The following NTN1 variants were observed in gnomAD, a reference collection of about 807,000 sequenced individuals.
NTN1 encodes netrin-1.
In NTN1, 11 loss-of-function variants were observed where a neutral mutation model predicts 54.2. The ratio of observed to expected loss-of-function variants is 0.20; its 90% confidence interval spans 0.13 to 0.34. NTN1 has a LOEUF of 0.34. Ranked by LOEUF, NTN1 falls within the 10% of genes least tolerant of loss-of-function variation. The pLI, the probability that NTN1 is intolerant of heterozygous loss-of-function variation, is 1.00. For missense variants in NTN1, 740 were observed against 893.1 expected (o/e 0.83, Z 2.18); for synonymous variants, 371 against 382.0 (o/e 0.97, Z 0.33).
At chr17:9,019,266 C>T (rs1445286776), upstream of NTN1, among the ~76,000 whole-genome samples, 4 of 152,080 alleles carry the variant, frequency 2.6e-5, no homozygotes, top group South Asian at 2.1e-4. Context: ...CTCATTATTC[C>T]GAGATAACCA....
intron 3 of NTN1, chr17:9,171,040 C>T (rs2092385920): frequency 6.6e-6 from 1 of 152,202 alleles, no homozygotes; most frequent in Non-Finnish European, 1.5e-5. Flanking sequence ...GCCGCCTGCA[C>T]CTTGATCCGA....
At chr17:9,116,506 T>C (rs76362889) in intron 2 of NTN1, among the ~76,000 whole-genome samples, 10,331 of 152,246 alleles carry the variant, frequency 0.068, 527 homozygotes, top group African/African-American at 0.13. Flanking sequence ...CCCTGCCCTC[T>C]TTCTCTCCCC....
intron 2 of NTN1, among the ~76,000 whole-genome samples, chr17:9,159,583 C>T (rs575532247): frequency 5.4e-4 from 82 of 152,130 alleles, no homozygotes; most frequent in African/African-American, 1.8e-3. Context: ...GGGTGGATCA[C>T]GAGGTCAGGA....
intron 5 of NTN1, among the ~76,000 whole-genome samples, chr17:9,198,846 A>G (rs1197168941): frequency 2.0e-5 from 3 of 152,156 alleles, no homozygotes; most frequent in Non-Finnish European, 4.4e-5. Flanking sequence ...GAGACTTCCA[A>G]AACAGCTCTG....
chr17:9,152,375 C>T (rs1218219407), intron 2 of NTN1, among the ~76,000 whole-genome samples: 4 of 152,174 alleles, frequency 2.6e-5, no homozygotes, highest in Non-Finnish European at 5.9e-5. Flanking sequence ...CGGAGAGGAT[C>T]CTGCACACCC....
In NTN1 at chr17:9,165,888, A is replaced by G. The variant is rs1320700366; in HGVS notation, c.1207+2887A>G. ...TCTGCTTCATGATTGGCAAGAAAATATCTACTCTCTGATTGGTGAGCAAAA... is the reference window on the plus strand; with the variant it reads ...TCTGCTTCATGATTGGCAAGAAAATGTCTACTCTCTGATTGGTGAGCAAAA... On this transcript the variant is annotated intron_variant, in intron 3 of 6. Transcript: ENST00000173229. This position sits in a 1 kb window ranked among gnomAD's most constrained non-coding sequence, Gnocchi z 4.5. 2.6e-5 allele frequency among the ~76,000 whole-genome samples: 4 copies of G among 152,166 alleles called. No individual in the cohort carries two copies. Among genetic ancestry groups the G allele is most frequent in the Non-Finnish European group, 5.9e-5 (4 of 68,022 alleles).
chr17:9,208,035 C>T lies in NTN1; in HGVS notation c.1412-13133C>T, dbSNP rs570158805. ...GATCATGAGGTCAGGAGTTCGAGACCAGCCTGGCCAATATGGTGAAACCCC... is the reference window on the plus strand; with the variant it reads ...GATCATGAGGTCAGGAGTTCGAGACTAGCCTGGCCAATATGGTGAAACCCC... On this transcript the variant is annotated intron_variant, in intron 5 of 6. Transcript: ENST00000173229. Among the ~76,000 whole-genome samples the T allele has an allele frequency of 7.2e-5, 11 of 152,278 alleles. No individual in the cohort carries two copies. The South Asian group carries it at 2.1e-3, about 29-fold the overall frequency.
intron 2 of NTN1, among the ~76,000 whole-genome samples, chr17:9,066,533 C>G (rs1567701908): frequency 6.6e-6 from 1 of 152,048 alleles, no homozygotes; most frequent in Non-Finnish European, 1.5e-5. Flanking sequence ...GAGGCTGAGG[C>G]AGGAGAATCG....
At chr17:9,050,559 A>C (rs2091957155) in intron 2 of NTN1, among the ~76,000 whole-genome samples, 1 of 149,960 alleles carries the variant, frequency 6.7e-6, no homozygotes, top group Non-Finnish European at 1.5e-5. Context: ...AATCCCAGCC[A>C]CTCGGGAGGC....
intron 6 of NTN1, among the ~76,000 whole-genome samples, chr17:9,238,820 C>T (rs545884012): frequency 4.6e-5 from 7 of 152,208 alleles, no homozygotes; most frequent in East Asian, 1.9e-4. Flanking sequence ...TCAATGACAT[C>T]GGCACCACTT....
chr17:9,155,646 G>A (rs2092339752), intron 2 of NTN1, among the ~76,000 whole-genome samples: 1 of 152,188 alleles, frequency 6.6e-6, no homozygotes, highest in Non-Finnish European at 1.5e-5. Flanking sequence ...TGGCGCTCCT[G>A]GAGCAGCTTT....
chr17:9,140,274 C>T (rs932074046), intron 2 of NTN1, among the ~76,000 whole-genome samples: 1 of 152,202 alleles, frequency 6.6e-6, no homozygotes, highest in African/African-American at 2.4e-5. Flanking sequence ...TGGCGCAGAG[C>T]AGGAGCTCTG....
At chr17:9,100,836 A>T (rs1007878732) in intron 2 of NTN1, among the ~76,000 whole-genome samples, 2 of 151,924 alleles carry the variant, frequency 1.3e-5, no homozygotes, top group African/African-American at 4.8e-5. Context: ...ATCTTTCTTC[A>T]TGGGGTTTGC....
At chr17:9,202,860 T>TGC (rs1471215544) in intron 5 of NTN1, among the ~76,000 whole-genome samples, 1 of 152,220 alleles carries the variant, frequency 6.6e-6, no homozygotes, top group Non-Finnish European at 1.5e-5. Flanking sequence ...CTGTTCAAAA[T>TGC]GATATTGCGA....
At chr17:9,126,047 T>C (rs73268252) in intron 2 of NTN1, among the ~76,000 whole-genome samples, 4,676 of 152,360 alleles carry the variant, frequency 0.031, 236 homozygotes, top group African/African-American at 0.1. Flanking sequence ...CCAGCCTGAT[T>C]GCAGAAGCAG....
intron 6 of NTN1, among the ~76,000 whole-genome samples, chr17:9,238,785 C>T (rs1906082802): frequency 6.6e-6 from 1 of 152,224 alleles, no homozygotes. Context: ...GCAGAAATGA[C>T]ATCTGGTAAC....
chr17:9,227,507 TCA>T (rs1423689755), intron 6 of NTN1, among the ~76,000 whole-genome samples: 3 of 140,418 alleles, frequency 2.1e-5, no homozygotes, highest in Non-Finnish European at 3.1e-5. Flanking sequence ...ATACACACCA[TCA>T]CACACACCAC....
rs542072153 is a variant in NTN1 at position 9,199,537 on chromosome 17, A to G, written c.1411+16568A>G. ...CAGGGGCCCAGGCCCCTTTCATCAC[A>G]TGGCTCTGCCATCTTCTAGGGCCTG... On this transcript the variant is annotated intron_variant, in intron 5 of 6. Transcript: ENST00000173229. Among the ~76,000 whole-genome samples the G allele has an allele frequency of 3.2e-3, 486 of 152,386 alleles. 6 individuals carry two copies. Among genetic ancestry groups the G allele is most frequent in the Middle Eastern group, 0.02 (6 of 294 alleles).
At chr17:9,236,467 G>C (rs1221061603) in intron 6 of NTN1, among the ~76,000 whole-genome samples, 1 of 152,258 alleles carries the variant, frequency 6.6e-6, no homozygotes, top group Non-Finnish European at 1.5e-5. Context: ...GTGCATGGCA[G>C]GGGCTTGGCC....
Sources: gnomAD v4.1 joint callset for allele counts (sites outside exome capture counted in the v4.1 genomes callset) on GRCh38, gnomAD v4.1.1 for gene constraint, Gnocchi (gnomAD v3.1) non-coding constraint, MANE v1.5 for transcripts, NCBI Gene and HGNC (gene_info 2026-07-23, HGNC 2026-07-21) for gene names.